FAM174A: variants seen among roughly 807,000 people sequenced by gnomAD.
FAM174A encodes the protein family with sequence similarity 174 member A.
In FAM174A, 14 loss-of-function variants were observed where a neutral mutation model predicts 14.3. That is an observed-to-expected ratio of 0.98 (90% CI 0.65 to 1.53). FAM174A has a LOEUF of 1.53. Ranked by LOEUF, FAM174A falls within the 40% of genes most tolerant of loss-of-function variation. The pLI is 0.00. For missense variants in FAM174A, 241 were observed against 249.6 expected, an observed-to-expected ratio of 0.97 and a Z score of 0.23; for synonymous variants, 108 against 111.4, an observed-to-expected ratio of 0.97 and a Z score of 0.19.
chr5:100,553,143 C>G lies in FAM174A; in HGVS notation c.435-8911C>G, dbSNP rs149236382. Among the ~76,000 whole-genome samples the G allele has an allele frequency of 3.6e-4, 55 of 152,134 alleles. 1 individual carries two copies. The highest frequency in any genetic ancestry group is 3.4e-3 in the Middle Eastern group (1 of 294). On this transcript the variant is annotated intron_variant, in intron 1 of 2. Coordinates refer to ENST00000312637, the MANE Select transcript of FAM174A (RefSeq NM_198507.3). ...TGAGTGTCATGAGCCTAATGACATT[C>G]ATTTGTAAGAAAAGAACTCTGGCTA...
In FAM174A at chr5:100,586,370, G is replaced by GTATAGAAGTA; in HGVS notation, c.*188_*189insTAGAAGTATA. 1 of 371,590 alleles carries GTATAGAAGTA rather than the reference G, an allele frequency of 2.7e-6. No individual in the cohort carries two copies. 23.0% of individuals were successfully genotyped at this position (371,590 alleles called of 1,614,324 possible). ...TTATTATATCTTTATATGTATAGAA[G>GTATAGAAGTA]TACTCTGTTAATGGGCTCAGAGATG... On this transcript the variant is annotated 3_prime_UTR_variant, in exon 3 of 3. Coordinates refer to ENST00000312637, the MANE Select transcript of FAM174A (RefSeq NM_198507.3).
At chr5:100,547,106 A>G (rs1051271887) in intron 1 of FAM174A, among the ~76,000 whole-genome samples, 1 of 152,100 alleles carries the variant, frequency 6.6e-6, no homozygotes, top group Non-Finnish European at 1.5e-5. Flanking sequence ...ATCCATCACA[A>G]TCTAGCCTAG....
chr5:100,549,558 C>G (rs1283641925), intron 1 of FAM174A, among the ~76,000 whole-genome samples: 1 of 150,996 alleles, frequency 6.6e-6, no homozygotes, highest in Admixed American at 6.6e-5. Context: ...AGGTATCTAT[C>G]AAGGAAAACA....
intron 2 of FAM174A, among the ~76,000 whole-genome samples, chr5:100,562,400 TA>T (rs1278887436): frequency 6.6e-6 from 1 of 151,946 alleles, no homozygotes; most frequent in African/African-American, 2.4e-5. Flanking sequence ...CATCTCAAAA[TA>T]TTTTTTTTAA....
At chr5:100,544,408 GGAGAGAGAGAGA>G (rs144016021) in intron 1 of FAM174A, among the ~76,000 whole-genome samples, 17 of 146,328 alleles carry the variant, frequency 1.2e-4, no homozygotes, top group Non-Finnish European at 2.1e-4. Flanking sequence ...ATGAGATCCT[GGAGAGAGAGAGA>G]GAGAGAGAGA....
intron 1 of FAM174A, among the ~76,000 whole-genome samples, chr5:100,553,726 A>G (rs1339035256): frequency 2.0e-5 from 3 of 152,166 alleles, no homozygotes; most frequent in Non-Finnish European, 4.4e-5. Context: ...GATAGTATTT[A>G]CATACACATG....
At chr5:100,584,368 A>C (rs1747081784) in intron 2 of FAM174A, among the ~76,000 whole-genome samples, 1 of 152,122 alleles carries the variant, frequency 6.6e-6, no homozygotes. Context: ...AGGGCACTTT[A>C]ATCTGTATTA....
intron 2 of FAM174A, among the ~76,000 whole-genome samples, chr5:100,572,849 C>G (rs894223175): frequency 5.3e-5 from 8 of 152,154 alleles, no homozygotes; most frequent in Admixed American, 1.3e-4. Flanking sequence ...AATGGTTGAA[C>G]TAGTTTACAG....
At chr5:100,561,077 T>C (rs990848283) in intron 1 of FAM174A, among the ~76,000 whole-genome samples, 1 of 151,852 alleles carries the variant, frequency 6.6e-6, no homozygotes, top group Non-Finnish European at 1.5e-5. Flanking sequence ...GACAGATGAA[T>C]AAACCCCACA....
chr5:100,572,557 C>T (rs1010519733), intron 2 of FAM174A, among the ~76,000 whole-genome samples: 20 of 151,818 alleles, frequency 1.3e-4, no homozygotes, highest in Admixed American at 3.3e-4. Context: ...CAATTTCATT[C>T]ATGTCCCTAC....
At chr5:100,562,214 A>G in intron 2 of FAM174A, 26 bp downstream of exon 2, 2 of 1,554,356 alleles carry the variant, frequency 1.3e-6, no homozygotes, top group Non-Finnish European at 1.7e-6. Context: ...GTTTAATTCC[A>G]TGAATCAGGA....
intron 1 of FAM174A, among the ~76,000 whole-genome samples, chr5:100,557,975 G>C (rs1439174944): frequency 6.6e-6 from 1 of 152,034 alleles, no homozygotes. Flanking sequence ...CTTGCCTTCT[G>C]CTAGCTTTTG....
chr5:100,540,061 A>T (rs1416923176), intron 1 of FAM174A, among the ~76,000 whole-genome samples: 2 of 152,178 alleles, frequency 1.3e-5, no homozygotes, highest in Non-Finnish European at 2.9e-5. Context: ...ACGTCTGTTA[A>T]TATGGTCACA....
chr5:100,536,011 A>G (rs1745936652), intron 1 of FAM174A, 47 bp downstream of exon 1: 3 of 1,494,346 alleles, frequency 2.0e-6, no homozygotes, highest in Non-Finnish European at 1.8e-6. Context: ...TGAGATACGC[A>G]GGCCGGTGAT....
chr5:100,582,518 T>C (rs1204753279), intron 2 of FAM174A, among the ~76,000 whole-genome samples: 1 of 152,006 alleles, frequency 6.6e-6, no homozygotes, highest in South Asian at 2.1e-4. Flanking sequence ...TTCATTACGA[T>C]GGCTCTTACT....
chr5:100,559,630 G>A (rs562930849), intron 1 of FAM174A, among the ~76,000 whole-genome samples: 11 of 151,964 alleles, frequency 7.2e-5, no homozygotes, highest in Non-Finnish European at 1.0e-4. Flanking sequence ...CATATTTCTT[G>A]GAGGCTTTGT....
intron 2 of FAM174A, among the ~76,000 whole-genome samples, chr5:100,567,501 A>C (rs543997962): frequency 3.3e-4 from 50 of 152,016 alleles, no homozygotes; most frequent in Middle Eastern, 3.4e-3. Context: ...TTCGAGGAGC[A>C]TATATTCATG....
chr5:100,543,142 T>G (rs1035270141), intron 1 of FAM174A, among the ~76,000 whole-genome samples: 1 of 152,254 alleles, frequency 6.6e-6, no homozygotes, highest in East Asian at 1.9e-4. Context: ...CCATTAGATA[T>G]ACTAGCTGCA....
chr5:100,563,213 A>G (rs926016057), intron 2 of FAM174A, among the ~76,000 whole-genome samples: 2 of 151,890 alleles, frequency 1.3e-5, no homozygotes, highest in Admixed American at 1.3e-4. Context: ...TACAGCCTGA[A>G]TAGGCAAACA....
Sources: allele counts gnomAD v4.1 joint callset (sites outside exome capture counted in the v4.1 genomes callset), GRCh38; gene constraint gnomAD v4.1.1; transcripts MANE v1.5; gene names NCBI Gene and HGNC (gene_info 2026-07-23, HGNC 2026-07-21).